The following OR3A2 variants were observed in gnomAD, a reference collection of about 807,000 sequenced individuals.
OR3A2 encodes olfactory receptor 3A2.
For synonymous variants in OR3A2, 126 were observed against 159.3 expected, an observed-to-expected ratio of 0.79 and a Z score of 1.57; for missense variants, 318 against 392.8, an observed-to-expected ratio of 0.81 and a Z score of 1.61.
intron 3 of OR3A2, among the ~76,000 whole-genome samples, chr17:3,297,897 A>C (rs1360893262): frequency 6.6e-6 from 1 of 151,806 alleles, no homozygotes; most frequent in Non-Finnish European, 1.5e-5. Flanking sequence ...GGGAGGTGCA[A>C]GTGTGAGGAA....
Position 3,311,828 on chromosome 17 carries a change from A to G in OR3A2, c.-85+24205T>C, listed in dbSNP as rs2049046737. 1 of 190,556 alleles carries G rather than the reference A, an allele frequency of 5.2e-6. No homozygotes were observed. The allele number at this position is 190,556 out of a possible 1,614,324, so 11.8% of individuals were successfully genotyped here. A position where few individuals can be genotyped will look rare whatever the true frequency, so the allele number is the denominator to read the frequency against. ...AAAGATAAGGGGATTGGGATCCTCA[A>G]CACTATCCTCAGTCCCATGCTGAAC... is the stretch of plus-strand genomic sequence containing the variant. On this transcript the variant is annotated intron_variant, in intron 3 of 4. Transcript: ENST00000573491. This position sits in a 1 kb window ranked among gnomAD's most constrained non-coding sequence, Gnocchi z 4.6.
intron 2 of OR3A2, among the ~76,000 whole-genome samples, chr17:3,380,878 G>A (rs559700861): frequency 2.0e-5 from 3 of 152,308 alleles, no homozygotes; most frequent in South Asian, 2.1e-4. Context: ...GCAAGAGAGA[G>A]CGAGAGGAAG....
rs1388132095 is a variant in OR3A2, at chr17:3,386,124, C to G, written c.-275+1G>C. The G allele has an allele frequency of 2.5e-6, 1 of 398,792 alleles. No homozygotes were observed. Among genetic ancestry groups the G allele is most frequent in the South Asian group, 1.3e-4 (1 of 7,860 alleles). 24.7% of individuals were successfully genotyped at this position (398,792 alleles called of 1,614,324 possible). ...CCCCCATGTATTACTTCTTGGGTCA[C>G]CTGAGCCTCGTGGACGTCTGCTTTA... is the stretch of plus-strand genomic sequence containing the variant. On this transcript the variant is annotated splice_donor_variant, in intron 1 of 4. Transcript: ENST00000573491. LOFTEE classifies it low-confidence loss of function (5UTR_SPLICE).
chr17:3,349,639 C>T (rs2049401883), intron 2 of OR3A2, among the ~76,000 whole-genome samples: 1 of 151,874 alleles, frequency 6.6e-6, no homozygotes, highest in South Asian at 2.1e-4. Flanking sequence ...AGAAAGTCAA[C>T]AAGGATACCC....
intron 2 of OR3A2, among the ~76,000 whole-genome samples, chr17:3,336,880 C>T (rs1038791417): frequency 1.3e-5 from 2 of 152,202 alleles, no homozygotes; most frequent in African/African-American, 4.8e-5. Flanking sequence ...TGCATCCCTC[C>T]TCACTCCTAC....
At chr17:3,284,549 C>G (rs2048795824), upstream of OR3A2, 1 of 149,456 alleles carries the variant, frequency 6.7e-6, no homozygotes, top group African/African-American at 2.5e-5. Flanking sequence ...GAAACTGGCT[C>G]TCCTAGGAGA....
intron 3 of OR3A2, chr17:3,292,532 C>T: frequency 6.2e-7 from 1 of 1,613,984 alleles, no homozygotes; most frequent in Non-Finnish European, 8.5e-7. Flanking sequence ...GCAAGCCCAG[C>T]AGGATGAACT....
chr17:3,330,926 A>T (rs1284966366), intron 3 of OR3A2, among the ~76,000 whole-genome samples: 1 of 151,888 alleles, frequency 6.6e-6, no homozygotes, highest in Admixed American at 6.6e-5. Context: ...AAAATCTCTC[A>T]GCATTTGCTT....
At chr17:3,337,797 G>A (rs2049284498) in intron 2 of OR3A2, among the ~76,000 whole-genome samples, 1 of 152,108 alleles carries the variant, frequency 6.6e-6, no homozygotes. Context: ...CCCAGTAATG[G>A]GATGGCTGGG....
At chr17:3,379,358 A>G (rs1231342968) in intron 2 of OR3A2, among the ~76,000 whole-genome samples, 1 of 152,188 alleles carries the variant, frequency 6.6e-6, no homozygotes, top group African/African-American at 2.4e-5. Flanking sequence ...AACAGAAGTC[A>G]TTTTGCTCTG....
At chr17:3,359,967 C>G (rs191504115) in intron 2 of OR3A2, among the ~76,000 whole-genome samples, 1 of 151,714 alleles carries the variant, frequency 6.6e-6, no homozygotes, top group African/African-American at 2.4e-5. Context: ...AATGGTATTT[C>G]TAGTTTTAGA....
chr17:3,358,190 A>G (rs1290130112), intron 2 of OR3A2, among the ~76,000 whole-genome samples: 4 of 151,788 alleles, frequency 2.6e-5, no homozygotes, highest in African/African-American at 9.7e-5. Context: ...TCTCACAAAG[A>G]AAATCCCAGA....
chr17:3,373,244 T>C (rs2049648532), intron 2 of OR3A2, among the ~76,000 whole-genome samples: 1 of 152,218 alleles, frequency 6.6e-6, no homozygotes, highest in Non-Finnish European at 1.5e-5. Context: ...ATGTTCTATG[T>C]GCTGATGAAA....
At chr17:3,357,199 T>G (rs2049471177) in intron 2 of OR3A2, among the ~76,000 whole-genome samples, 1 of 151,680 alleles carries the variant, frequency 6.6e-6, no homozygotes, top group Non-Finnish European at 1.5e-5. Context: ...AAGCAGCATT[T>G]GGGAACCATG....
chr17:3,373,350 T>C (rs779924390), intron 2 of OR3A2, among the ~76,000 whole-genome samples: 1 of 152,354 alleles, frequency 6.6e-6, no homozygotes, highest in East Asian at 1.9e-4. Context: ...TGTTTCTTTG[T>C]TGACTGTCTT....
At chr17:3,381,535 C>G (rs1210784929) in intron 2 of OR3A2, among the ~76,000 whole-genome samples, 1 of 152,134 alleles carries the variant, frequency 6.6e-6, no homozygotes, top group Non-Finnish European at 1.5e-5. Flanking sequence ...CATCATATCT[C>G]CCCATCGCCT....
chr17:3,347,737 T>C (rs971061702), intron 2 of OR3A2, among the ~76,000 whole-genome samples: 1 of 152,234 alleles, frequency 6.6e-6, no homozygotes. Context: ...AAGCATGATT[T>C]ATAGTCCTTT....
At chr17:3,317,102 C>T (rs1035166511) in intron 3 of OR3A2, among the ~76,000 whole-genome samples, 2 of 152,178 alleles carry the variant, frequency 1.3e-5, no homozygotes, top group Non-Finnish European at 2.9e-5. Flanking sequence ...GGTGCATAAA[C>T]CCAGAAACTA....
At position 3,311,486 on chromosome 17, in the gene OR3A2, C is replaced by A; in HGVS notation, c.-85+24547G>T. 1 of 437,448 alleles carries A rather than the reference C, an allele frequency of 2.3e-6. No individual in the cohort carries two copies. Among genetic ancestry groups the A allele is most frequent in the South Asian group, 1.8e-5 (1 of 56,750 alleles). The allele number at this position is 437,448 out of a possible 1,614,324, so 27.1% of individuals were successfully genotyped here. A position where few individuals can be genotyped will look rare whatever the true frequency, so the allele number is the denominator to read the frequency against. ...GCTCTGACTCACACAGTGGCTGTGT[C>A]TGCGCTTGACTTCTGTGGCCCTAAT... On this transcript the variant is annotated intron_variant, in intron 3 of 4. Coordinates refer to the OR3A2 transcript ENST00000573491. The surrounding 1 kb of genome is among the most constrained non-coding windows in gnomAD (Gnocchi z 4.6).
Sources: allele counts gnomAD v4.1 joint callset (sites outside exome capture counted in the v4.1 genomes callset), GRCh38; gene constraint gnomAD v4.1.1; non-coding constraint Gnocchi (gnomAD v3.1); transcripts MANE v1.5; gene names NCBI Gene and HGNC (gene_info 2026-07-23, HGNC 2026-07-21).